Variants in CHST9 observed in about 807,000 individuals in gnomAD.
CHST9 encodes the protein carbohydrate sulfotransferase 9, also known as GalNAc-4-sulfotransferase 2.
CHST9 carries 41 observed loss-of-function variants against 44.4 expected under a neutral mutation model. The observed-to-expected ratio is 0.92, with a 90% confidence interval of 0.72 to 1.20. CHST9 has a LOEUF of 1.20. Among genes scored for constraint, CHST9 ranks in the 50% most tolerant of loss-of-function variants. The pLI, the probability that CHST9 is intolerant of heterozygous loss-of-function variation, is 0.00. For missense variants in CHST9, 504 were observed against 516.5 expected, an observed-to-expected ratio of 0.98 and a Z score of 0.23; for synonymous variants, 171 against 178.4, an observed-to-expected ratio of 0.96 and a Z score of 0.33.
At chr18:27,181,250 T>G (rs931603179) in intron 1 of CHST9, among the ~76,000 whole-genome samples, 9 of 152,324 alleles carry the variant, frequency 5.9e-5, no homozygotes, top group South Asian at 4.1e-4. Flanking sequence ...AAAAACTGAC[T>G]ATAAACAAGA....
intron 5 of CHST9, chr18:26,934,327 C>CG (rs1224976413): frequency 6.6e-6 from 1 of 151,760 alleles, no homozygotes; most frequent in Non-Finnish European, 1.5e-5. Flanking sequence ...CTCCGCCTCC[C>CG]GGGTTCACGC....
At chr18:27,141,460 T>C (rs1271509734) in intron 2 of CHST9, among the ~76,000 whole-genome samples, 7 of 149,640 alleles carry the variant, frequency 4.7e-5, no homozygotes, top group Admixed American at 1.3e-4. Context: ...GTGCAGTGGT[T>C]TGTGCCTGTA....
chr18:27,076,850 C>T (rs2057909828), intron 2 of CHST9, among the ~76,000 whole-genome samples: 1 of 152,132 alleles, frequency 6.6e-6, no homozygotes, highest in South Asian at 2.1e-4. Flanking sequence ...GGAGACGAGG[C>T]TACATGTCCA....
At chr18:27,072,431 C>T (rs1477472630) in intron 2 of CHST9, among the ~76,000 whole-genome samples, 1 of 151,912 alleles carries the variant, frequency 6.6e-6, no homozygotes, top group East Asian at 1.9e-4. Context: ...ATCTAGTTGC[C>T]AAAAGGCTTT....
At chr18:27,150,353 A>G (rs549557688) in intron 1 of CHST9, among the ~76,000 whole-genome samples, 1 of 152,164 alleles carries the variant, frequency 6.6e-6, no homozygotes, top group South Asian at 2.1e-4. Context: ...AGCCTAGCAC[A>G]TTCTAAACAT....
intron 4 of CHST9, among the ~76,000 whole-genome samples, chr18:27,010,253 G>A (rs1418378066): frequency 6.6e-6 from 1 of 152,064 alleles, no homozygotes; most frequent in Non-Finnish European, 1.5e-5. Context: ...CTTAAGGGAG[G>A]TCACTCTCAT....
intron 2 of CHST9, among the ~76,000 whole-genome samples, chr18:27,127,737 T>C (rs1160131086): frequency 6.6e-6 from 1 of 152,000 alleles, no homozygotes; most frequent in East Asian, 1.9e-4. Context: ...AGAGAATACA[T>C]AGACGATGGG....
intron 2 of CHST9, among the ~76,000 whole-genome samples, chr18:27,135,492 T>C (rs926644678): frequency 6.6e-6 from 1 of 152,196 alleles, no homozygotes; most frequent in African/African-American, 2.4e-5. Flanking sequence ...ATAAGAGTAT[T>C]ACAGTGACCA....
In CHST9 at chr18:26,990,930, C is replaced by T. The variant is rs529976192; in HGVS notation, c.202+33186G>A. On this transcript the variant is annotated intron_variant, in intron 4 of 5. Transcript: ENST00000618847. ...TTCAACATGCTTGCTGCCTCCCCAGCGTGGCTGGAATGGAGTGAGAAAAGG... is the reference window on the plus strand; with the variant it reads ...TTCAACATGCTTGCTGCCTCCCCAGTGTGGCTGGAATGGAGTGAGAAAAGG... Among the ~76,000 whole-genome samples, 91 of 152,160 alleles carry T rather than the reference C, an allele frequency of 6.0e-4. No homozygotes were observed. In the South Asian group the frequency reaches 8.3e-3, roughly 14 times the overall value.
chr18:26,990,178 A>G (rs2056800084), intron 4 of CHST9, among the ~76,000 whole-genome samples: 1 of 152,216 alleles, frequency 6.6e-6, no homozygotes, highest in African/African-American at 2.4e-5. Context: ...CCATTTATGT[A>G]AAACTCTAGA....
At chr18:27,110,778 G>A (rs2058264422) in intron 2 of CHST9, among the ~76,000 whole-genome samples, 1 of 152,182 alleles carries the variant, frequency 6.6e-6, no homozygotes, top group African/African-American at 2.4e-5. Context: ...GCTGACCTAG[G>A]ACATTGTTGA....
intron 5 of CHST9, among the ~76,000 whole-genome samples, chr18:26,941,483 T>A (rs1389029962): frequency 6.6e-6 from 1 of 152,220 alleles, no homozygotes; most frequent in Middle Eastern, 3.2e-3. Flanking sequence ...TATTTTAATT[T>A]GATTTCGAAA....
chr18:27,063,706 A>G (rs1197302962), intron 2 of CHST9, among the ~76,000 whole-genome samples: 1 of 152,234 alleles, frequency 6.6e-6, no homozygotes, highest in Non-Finnish European at 1.5e-5. Flanking sequence ...GGCTGCTTAC[A>G]TAGCCCCAAT....
chr18:26,966,431 C>G (rs2056465301), intron 4 of CHST9, among the ~76,000 whole-genome samples: 1 of 152,174 alleles, frequency 6.6e-6, no homozygotes, highest in Non-Finnish European at 1.5e-5. Context: ...GAATAATAAT[C>G]TAGATCTTTG....
chr18:26,966,956 T>C (rs920860431), intron 4 of CHST9, among the ~76,000 whole-genome samples: 1 of 151,600 alleles, frequency 6.6e-6, no homozygotes, highest in African/African-American at 2.4e-5. Context: ...AATGTTCCAG[T>C]TGGTAGATAT....
chr18:26,963,336 C>T (rs2056424072), intron 4 of CHST9, among the ~76,000 whole-genome samples: 1 of 152,132 alleles, frequency 6.6e-6, no homozygotes, highest in Non-Finnish European at 1.5e-5. Context: ...GTGCACTTTC[C>T]GCTAAGCTTG....
chr18:26,940,223 GA>G (rs33920690), intron 5 of CHST9, among the ~76,000 whole-genome samples: 2 of 150,864 alleles, frequency 1.3e-5, no homozygotes, highest in African/African-American at 2.4e-5. Flanking sequence ...ATGAGACTCA[GA>G]AAAAAAAACC....
chr18:27,048,973 T>C (rs2057535532), intron 2 of CHST9, among the ~76,000 whole-genome samples: 3 of 152,116 alleles, frequency 2.0e-5, no homozygotes, highest in South Asian at 4.2e-4. Flanking sequence ...CATGAAGTTA[T>C]GGAGAAAGTG....
chr18:26,970,325 T>C (rs552369913), intron 4 of CHST9, among the ~76,000 whole-genome samples: 71 of 152,358 alleles, frequency 4.7e-4, no homozygotes, highest in African/African-American at 1.7e-3. Context: ...AACTCTCAAC[T>C]CTTCTTTCCA....
Sources: allele counts gnomAD v4.1 joint callset (sites outside exome capture counted in the v4.1 genomes callset), GRCh38; gene constraint gnomAD v4.1.1; transcripts MANE v1.5; gene names NCBI Gene and HGNC (gene_info 2026-07-23, HGNC 2026-07-21).